The following GRIN2B variants were observed in gnomAD, a reference collection of about 807,000 sequenced individuals.
GRIN2B encodes the protein glutamate ionotropic receptor NMDA type subunit 2B.
Under a neutral mutation model 114.5 loss-of-function variants are expected in GRIN2B, and 5 were observed. The ratio of observed to expected loss-of-function variants is 0.04; its 90% CI spans 0.02 to 0.09. The LOEUF (loss-of-function observed/expected upper bound fraction) is 0.09. Ranked by LOEUF, GRIN2B falls within the 10% of genes least tolerant of loss-of-function variation. The pLI is 1.00. For synonymous variants in GRIN2B, 787 were observed against 745.1 expected (o/e 1.06, Z -0.92); for missense variants, 1,108 against 1,943.5 (o/e 0.57, Z 8.08).
intron 4 of GRIN2B, among the ~76,000 whole-genome samples, chr12:13,699,689 G>A (rs1457266544): frequency 6.6e-6 from 1 of 151,818 alleles, no homozygotes; most frequent in Non-Finnish European, 1.5e-5. Context: ...CTGGGTTCAA[G>A]TGATTTCTTC....
intron 3 of GRIN2B, among the ~76,000 whole-genome samples, chr12:13,847,105 T>C (rs542324701): frequency 1.3e-5 from 2 of 152,338 alleles, no homozygotes; most frequent in African/African-American, 4.8e-5. Context: ...CAGGTCTGTC[T>C]GGGCCTGAAT....
At chr12:13,583,943 G>A (rs1310834796) in intron 10 of GRIN2B, among the ~76,000 whole-genome samples, 2 of 152,152 alleles carry the variant, frequency 1.3e-5, no homozygotes, top group Admixed American at 6.5e-5. Context: ...AGAGGTTAGA[G>A]AAGGGACGTT....
In GRIN2B at chr12:13,630,529, C is replaced by T. The variant is rs143493273; in HGVS notation, c.1126-13872G>A. Among the ~76,000 whole-genome samples, 864 of 152,190 alleles carry T rather than the reference C, an allele frequency of 5.7e-3. 7 individuals carry two copies. Among genetic ancestry groups the T allele is most frequent in the African/African-American group, 0.02 (823 of 41,498 alleles). ...GATAGTCAGTGGGTCTTGTCTTGTCCTCTTGGAATGTTGCTGACAATGCTG... is the reference window on the plus strand; with the variant it reads ...GATAGTCAGTGGGTCTTGTCTTGTCTTCTTGGAATGTTGCTGACAATGCTG... On this transcript the variant is annotated intron_variant, in intron 5 of 13. Coordinates refer to ENST00000609686, the MANE Select transcript of GRIN2B (RefSeq NM_000834.5).
intron 10 of GRIN2B, among the ~76,000 whole-genome samples, chr12:13,592,941 T>A (rs1041857789): frequency 6.6e-6 from 1 of 152,210 alleles, no homozygotes; most frequent in Non-Finnish European, 1.5e-5. Context: ...CATAAAAGCA[T>A]GCTAAAAAAA....
At chr12:13,764,291 C>A (rs1863736192) in intron 3 of GRIN2B, among the ~76,000 whole-genome samples, 1 of 152,152 alleles carries the variant, frequency 6.6e-6, no homozygotes, top group African/African-American at 2.4e-5. Context: ...TCCCCTCTGA[C>A]TTACCAGTAC....
chr12:13,813,416 T>C (rs900013412), intron 3 of GRIN2B, among the ~76,000 whole-genome samples: 8 of 152,148 alleles, frequency 5.3e-5, no homozygotes, highest in African/African-American at 1.9e-4. Context: ...TTCCAAACAT[T>C]ACTACACTTC....
chr12:13,882,189 C>A (rs1387298295), intron 2 of GRIN2B, among the ~76,000 whole-genome samples: 3 of 152,156 alleles, frequency 2.0e-5, no homozygotes, highest in Non-Finnish European at 4.4e-5. Context: ...GAGGAAGGGA[C>A]ACAGTTCCTG....
At chr12:13,902,254 A>T (rs1214696651) in intron 2 of GRIN2B, among the ~76,000 whole-genome samples, 2 of 152,142 alleles carry the variant, frequency 1.3e-5, no homozygotes, top group African/African-American at 4.8e-5. Context: ...TTTACAATCT[A>T]TTTGTTAAAT....
intron 3 of GRIN2B, among the ~76,000 whole-genome samples, chr12:13,841,791 G>A (rs866182531): frequency 2.0e-5 from 3 of 152,150 alleles, no homozygotes; most frequent in South Asian, 2.1e-4. Flanking sequence ...ACAGCGAGAT[G>A]TATTCAATTT....
rs1948257620 is a variant in GRIN2B at position 13,540,099 on chromosome 12, T to A, written c.*22684A>T. The A allele has an allele frequency of 6.6e-6, 1 of 152,224 alleles. No individual in the cohort carries two copies. Among genetic ancestry groups the A allele is most frequent in the Non-Finnish European group, 1.5e-5 (1 of 68,040 alleles). The allele number at this position is 152,224 out of a possible 1,614,324, so 9.4% of individuals were successfully genotyped here. A position where few individuals can be genotyped will look rare whatever the true frequency, so the allele number is the denominator to read the frequency against. On this transcript the variant is annotated 3_prime_UTR_variant, in exon 14 of 14. Transcript: ENST00000609686. Reference sequence around the variant, plus strand: ...GAAACAGATCCCAACCCAAGTAGATTCGCCAGTCCAAGACTCCTACCAACA... The same window carrying A: ...GAAACAGATCCCAACCCAAGTAGATACGCCAGTCCAAGACTCCTACCAACA...
At chr12:13,569,264 C>G (rs1948677581) in intron 12 of GRIN2B, among the ~76,000 whole-genome samples, 1 of 152,074 alleles carries the variant, frequency 6.6e-6, no homozygotes, top group Non-Finnish European at 1.5e-5. Context: ...AGTCCTAACC[C>G]CCAATACCTT....
In GRIN2B at chr12:13,615,797, C is replaced by A; in HGVS notation, c.1329-133G>T. The A allele has an allele frequency of 1.3e-6, 1 of 748,264 alleles. No individual in the cohort carries two copies. The highest frequency in any genetic ancestry group is 2.4e-6 in the Non-Finnish European group (1 of 415,436). The allele number at this position is 748,264 out of a possible 1,614,324, so 46.4% of individuals were successfully genotyped here. ...CCTTCACAGCTCAGCACAATTTATA[C>A]TAGACTCGAGTGAAGAAATAAAGCA... On this transcript the variant is annotated intron_variant, in intron 6 of 13. Transcript: ENST00000609686. The surrounding 1 kb of genome is among the most constrained non-coding windows in gnomAD (Gnocchi z 5.8).
At position 13,624,681 on chromosome 12, in the gene GRIN2B, G is replaced by A. The variant is rs571886161; in HGVS notation, c.1126-8024C>T. On this transcript the variant is annotated intron_variant, in intron 5 of 13. Coordinates refer to ENST00000609686, the MANE Select transcript of GRIN2B (RefSeq NM_000834.5). ...GGGACCGGTGTCTCTGGGTACACAC[G>A]CTGAAGGGAAGCCCATCCAGCCAAT... Among the ~76,000 whole-genome samples, 75 of 152,258 alleles carry A rather than the reference G, an allele frequency of 4.9e-4. 1 individual carries two copies. Among genetic ancestry groups the A allele is most frequent in the South Asian group, 2.1e-4 (1 of 4,816 alleles).
In GRIN2B at chr12:13,564,229, G is replaced by C. The variant is rs1460313772; in HGVS notation, c.3009C>G (p.Leu1003=). 6.2e-7 allele frequency: 1 copy of C among 1,614,222 alleles called. No homozygotes were observed. The highest frequency in any genetic ancestry group is 1.7e-5 in the Admixed American group (1 of 60,034). The change falls in exon 14 of 14, where the codon CTC becomes CTG. Residue 1003 remains leucine, a synonymous_variant. Transcript: ENST00000609686. This position sits in a 1 kb window ranked among gnomAD's most constrained non-coding sequence, Gnocchi z 4.8. The part of the protein sequence containing the change: ...SIGSASSIDG[L]YDCDNPPFTT... Reference sequence around the variant, plus strand: ...TGAAGGGTGGGTTGTCACAGTCGTAGAGCCCATCGATGGAGCTGGCACTGC... The same window carrying C: ...TGAAGGGTGGGTTGTCACAGTCGTACAGCCCATCGATGGAGCTGGCACTGC...
intron 10 of GRIN2B, among the ~76,000 whole-genome samples, chr12:13,593,513 A>C (rs1329112962): frequency 6.6e-6 from 1 of 152,200 alleles, no homozygotes; most frequent in African/African-American, 2.4e-5. Context: ...CTGAAACTGG[A>C]TCCCTTCCTT....
rs1948649381 is a variant in GRIN2B, at chr12:13,567,047, C to G, written c.2576G>C (p.Gly859Ala). ...TACTCTGCTGATGGAGAAGACCATG[C>G]CAGGCTTGCCAGAACAGACACCCAT... is the stretch of plus-strand genomic sequence containing the variant. Reference protein sequence around the residue: ...CFMGVCSGKPGMVFSISRGIY... With the variant: ...CFMGVCSGKPAMVFSISRGIY... Residue 859 changes from glycine to alanine, a missense_variant, in exon 13 of 14, where the codon GGC (glycine) becomes GCC (alanine). Physicochemically the swap from Gly to Ala is moderately conservative, Grantham distance 60. Transcript: ENST00000609686. The G allele has an allele frequency of 6.2e-7, 1 of 1,613,144 alleles. No individual in the cohort carries two copies.
chr12:13,859,445 C>T (rs1489747630), intron 3 of GRIN2B, among the ~76,000 whole-genome samples: 5 of 152,208 alleles, frequency 3.3e-5, no homozygotes, highest in African/African-American at 9.6e-5. Context: ...ACAAGAAACA[C>T]ATTTCACAGA....
At chr12:13,762,460 A>G (rs1054417161) in intron 3 of GRIN2B, among the ~76,000 whole-genome samples, 1 of 152,276 alleles carries the variant, frequency 6.6e-6, no homozygotes, top group African/African-American at 2.4e-5. Context: ...CACTTGACGT[A>G]CTAGCGGCAT....
At position 13,679,596 on chromosome 12, in the gene GRIN2B, T is replaced by C. The variant is rs117629309; in HGVS notation, c.1011-3737A>G. On this transcript the variant is annotated intron_variant, in intron 4 of 13. Coordinates refer to ENST00000609686, the MANE Select transcript of GRIN2B (RefSeq NM_000834.5). ...ATACAAAATATTCTTCTCCAAAGTA[T>C]CCTTTCATCATTCATATCTGTCAGC... 2.6e-3 allele frequency among the ~76,000 whole-genome samples: 401 copies of C among 152,286 alleles called. 1 individual carries two copies. Among genetic ancestry groups the C allele is most frequent in the Non-Finnish European group, 4.3e-3 (291 of 68,012 alleles).
Sources: gnomAD v4.1 joint callset for allele counts (sites outside exome capture counted in the v4.1 genomes callset) on GRCh38, gnomAD v4.1.1 for gene constraint, Gnocchi (gnomAD v3.1) non-coding constraint, MANE v1.5 for transcripts, NCBI Gene and HGNC (gene_info 2026-07-23, HGNC 2026-07-21) for gene names.